DCDC2: variants seen among roughly 807,000 people sequenced by gnomAD.
The protein encoded by DCDC2 is doublecortin domain-containing protein 2.
Under a neutral mutation model 50.2 loss-of-function variants are expected in DCDC2, and 40 were observed. The ratio of observed to expected loss-of-function variants is 0.80; its 90% CI spans 0.62 to 1.04. The LOEUF is 1.04. Among genes scored for constraint, DCDC2 ranks in the 50% least tolerant of loss-of-function variants. The probability of loss-of-function intolerance (pLI) is 0.00; values close to 1 mark genes in which losing one functional copy is unlikely to be tolerated. For synonymous variants in DCDC2, 234 were observed against 210.6 expected (o/e 1.11, Z -0.96); for missense variants, 570 against 581.9 (o/e 0.98, Z 0.21).
At chr6:24,382,698 G>T in the DCDC2 span, among the ~76,000 whole-genome samples, 1 of 152,086 alleles carries the variant, frequency 6.6e-6, no homozygotes, top group Admixed American at 6.6e-5. Context: ...ACTACTGACA[G>T]GCTAAATTTC....
chr6:24,363,098 G>C, the DCDC2 span, among the ~76,000 whole-genome samples: 1 of 152,198 alleles, frequency 6.6e-6, no homozygotes, highest in Non-Finnish European at 1.5e-5. Context: ...GAAAGGAGGG[G>C]AGAGTTTTTG....
intron 2 of DCDC2, 76 bp downstream of exon 2, chr6:24,353,493 C>T: frequency 2.2e-6 from 2 of 908,426 alleles, no homozygotes; most frequent in Non-Finnish European, 1.8e-6. Context: ...GAATGCCGTC[C>T]AAATCTCTAA....
chr6:24,319,909 A>C (rs1460219440), intron 2 of DCDC2, among the ~76,000 whole-genome samples: 6 of 152,180 alleles, frequency 3.9e-5, no homozygotes. Context: ...GCAAATAATT[A>C]AAACCAACCA....
At chr6:24,178,049 A>C (rs552358570) in intron 9 of DCDC2, among the ~76,000 whole-genome samples, 2 of 152,246 alleles carry the variant, frequency 1.3e-5, no homozygotes, top group South Asian at 4.1e-4. Context: ...GGCTCTGTAC[A>C]TTTTCTTGTA....
At chr6:24,258,163 G>T (rs1762932838) in intron 7 of DCDC2, among the ~76,000 whole-genome samples, 1 of 152,154 alleles carries the variant, frequency 6.6e-6, no homozygotes, top group Non-Finnish European at 1.5e-5. Flanking sequence ...GCTCCTAAAG[G>T]TGGTGCGGAC....
intron 7 of DCDC2, among the ~76,000 whole-genome samples, chr6:24,234,663 G>A (rs1233411411): frequency 6.6e-6 from 1 of 152,134 alleles, no homozygotes; most frequent in Non-Finnish European, 1.5e-5. Context: ...AAAAGGAAGG[G>A]GAACATTAAG....
At chr6:24,361,825 T>C (rs1760670055), upstream of DCDC2, among the ~76,000 whole-genome samples, 1 of 152,210 alleles carries the variant, frequency 6.6e-6, no homozygotes, top group African/African-American at 2.4e-5. Context: ...ATCAAGTCTA[T>C]GCCTCCCACT....
chr6:24,354,922 A>G (rs1087266), intron 1 of DCDC2, among the ~76,000 whole-genome samples: 67,631 of 152,006 alleles, frequency 0.44, 16,116 homozygotes, highest in Non-Finnish European at 0.54. Context: ...GTTCCATTTG[A>G]AAAAGATGTT....
chr6:24,210,824 C>G (rs1322779507), intron 7 of DCDC2, among the ~76,000 whole-genome samples: 1 of 152,082 alleles, frequency 6.6e-6, no homozygotes, highest in African/African-American at 2.4e-5. Context: ...GAGATGTGAT[C>G]TGGCACTTAA....
chr6:24,202,082 CTGAAGCTATTCCAAACAATA>C (rs1214259694), intron 8 of DCDC2, among the ~76,000 whole-genome samples: 2 of 152,166 alleles, frequency 1.3e-5, no homozygotes, highest in Non-Finnish European at 2.9e-5. Flanking sequence ...ACCATTCCTT[CTGAAGCTATTCCAAACAATA>C]GAAAAAGAAG....
chr6:24,193,026 A>G (rs1761346279), intron 8 of DCDC2, among the ~76,000 whole-genome samples: 1 of 152,108 alleles, frequency 6.6e-6, no homozygotes, highest in South Asian at 2.1e-4. Context: ...GGTTACATTT[A>G]AAGAAACAGA....
At chr6:24,370,765 T>G in the DCDC2 span, among the ~76,000 whole-genome samples, 1 of 152,106 alleles carries the variant, frequency 6.6e-6, no homozygotes, top group Admixed American at 6.5e-5. Context: ...GTATAACATG[T>G]TAAAAAACAT....
the DCDC2 span, among the ~76,000 whole-genome samples, chr6:24,364,058 C>A: frequency 6.6e-6 from 1 of 152,076 alleles, no homozygotes; most frequent in African/African-American, 2.4e-5. Flanking sequence ...CCTTTAAAAT[C>A]CCTTTGGATG....
intron 2 of DCDC2, among the ~76,000 whole-genome samples, chr6:24,338,450 C>T (rs1760096772): frequency 6.6e-6 from 1 of 152,162 alleles, no homozygotes; most frequent in African/African-American, 2.4e-5. Context: ...GCTAATCTTT[C>T]TTCATTACCC....
At chr6:24,275,865 A>C (rs894859909) in intron 7 of DCDC2, among the ~76,000 whole-genome samples, 2 of 48,632 alleles carry the variant, frequency 4.1e-5, no homozygotes, top group Non-Finnish European at 9.0e-5. Context: ...CCAATAATTC[A>C]ATTTTTTTTT....
Position 24,357,705 on chromosome 6 carries a change from C to A in DCDC2, c.46G>T (p.Val16Leu). ...ARSSHLSQPV[V>L]KSVLVYRNGD... ...TTGCGGTACACAAGCACGCTCTTCA[C>A]GACGGGCTGAGACAGGTGGCTGGAC... The change falls in exon 1 of 10, where the codon GTG (valine) becomes TTG (leucine). Residue 16 changes from valine (V) to leucine (L), a missense_variant. By Grantham distance (32) the Val-to-Leu change is conservative. Transcript: ENST00000378454. 1 of 1,613,280 alleles carries A rather than the reference C, an allele frequency of 6.2e-7. No individual in the cohort carries two copies. The highest frequency in any genetic ancestry group is 1.1e-5 in the South Asian group (1 of 91,072).
intron 2 of DCDC2, among the ~76,000 whole-genome samples, chr6:24,303,566 C>G (rs1210330221): frequency 1.3e-5 from 2 of 152,184 alleles, no homozygotes; most frequent in Admixed American, 1.3e-4. Context: ...TCTCAAACTG[C>G]TACAGCTACT....
intron 2 of DCDC2, among the ~76,000 whole-genome samples, chr6:24,326,225 G>C (rs1182608669): frequency 6.8e-6 from 1 of 147,048 alleles, no homozygotes; most frequent in African/African-American, 2.4e-5. Context: ...AAGGAAGGAA[G>C]GAAGGAAGGG....
chr6:24,314,589 C>T (rs1759628945), intron 2 of DCDC2, among the ~76,000 whole-genome samples: 1 of 152,052 alleles, frequency 6.6e-6, no homozygotes, highest in Non-Finnish European at 1.5e-5. Context: ...CAAAATGGAA[C>T]AAATCATCAT....
Sources: allele counts gnomAD v4.1 joint callset (sites outside exome capture counted in the v4.1 genomes callset), GRCh38; gene constraint gnomAD v4.1.1; transcripts MANE v1.5; gene names NCBI Gene and HGNC (gene_info 2026-07-23, HGNC 2026-07-21).